Variants in HTR2C observed in about 807,000 individuals in gnomAD.
The protein encoded by HTR2C is 5-hydroxytryptamine receptor 2C, also known as 5-hydroxytryptamine (serotonin) receptor 2C, G protein-coupled.
Under a neutral mutation model 21.0 loss-of-function variants are expected in HTR2C, and 5 were observed. The observed-to-expected ratio is 0.24, with a 90% CI of 0.12 to 0.50. HTR2C has a LOEUF of 0.50. Ranked by LOEUF, HTR2C falls within the 20% of genes least tolerant of loss-of-function variation. HTR2C has a pLI of 0.98. For missense variants in HTR2C, 271 were observed against 371.2 expected (o/e 0.73, Z 2.22); for synonymous variants, 150 against 145.3 (o/e 1.03, Z -0.23).
At chrX:114,835,613 T>G (rs1263886927) in intron 4 of HTR2C, among the ~76,000 whole-genome samples, 1 of 111,160 alleles carries the variant, frequency 9.0e-6, no homozygotes, top group Non-Finnish European at 1.9e-5. Context: ...TCTTCTAAAT[T>G]TTTTTCAAAG....
At chrX:114,605,007 T>G (rs1320725986) in intron 1 of HTR2C, among the ~76,000 whole-genome samples, 5 of 111,742 alleles carry the variant, frequency 4.5e-5, no homozygotes, top group Non-Finnish European at 7.5e-5. Flanking sequence ...GGTAATAAAA[T>G]GTACTTTGAG....
rs201614547 is a variant in HTR2C at position 114,907,830 on chromosome X, G to C, written c.*415G>C. 1.6e-5 allele frequency: 2 copies of C among 128,700 alleles called. No individual in the cohort carries two copies. Among genetic ancestry groups the C allele is most frequent in the Non-Finnish European group, 3.2e-5 (2 of 63,436 alleles). 10.6% of individuals were successfully genotyped at this position (128,700 alleles called of 1,213,427 possible). ...AACCACACCTAAATTAACAAATTCA[G>C]TGGACATTTGTTCTGGGTTAACAGT... On this transcript the variant is annotated 3_prime_UTR_variant, in exon 6 of 6. Transcript: ENST00000276198.
chrX:114,769,913 A>G (rs1556436645), intron 4 of HTR2C, among the ~76,000 whole-genome samples: 1 of 111,533 alleles, frequency 9.0e-6, no homozygotes, highest in East Asian at 2.8e-4. Context: ...TATGCTGACT[A>G]CAACTTCTAT....
At chrX:114,888,134 G>A (rs781963099) in intron 5 of HTR2C, among the ~76,000 whole-genome samples, 2 of 112,024 alleles carry the variant, frequency 1.8e-5, no homozygotes, top group South Asian at 7.4e-4. Context: ...TCAGTATTTT[G>A]ACTAGTTTAT....
At chrX:114,699,547 G>A (rs1415968506) in intron 2 of HTR2C, among the ~76,000 whole-genome samples, 2 of 111,756 alleles carry the variant, frequency 1.8e-5, no homozygotes, top group Non-Finnish European at 3.8e-5. Flanking sequence ...CTCAGTTAAG[G>A]TTTATTCAAT....
chrX:114,809,852 C>T, intron 4 of HTR2C, among the ~76,000 whole-genome samples: 1 of 111,677 alleles, frequency 9.0e-6, no homozygotes, highest in East Asian at 2.8e-4. Context: ...GAGTCTCTCT[C>T]CATGACCATC....
At chrX:114,630,768 T>C (rs1168166495) in intron 2 of HTR2C, 2 of 329,904 alleles carry the variant, frequency 6.1e-6, no homozygotes, top group African/African-American at 5.2e-5. Context: ...ATACAGAGCA[T>C]GGGGCCCCAA....
In HTR2C at chrX:114,898,702, G is replaced by T. The variant is rs781902095; in HGVS notation, c.551-7887G>T. Among the ~76,000 whole-genome samples, 15 of 111,865 alleles carry T rather than the reference G, an allele frequency of 1.3e-4. No individual in the cohort carries two copies. The South Asian group carries it at 4.8e-3, about 36-fold the overall frequency. On this transcript the variant is annotated intron_variant, in intron 5 of 5. Transcript: ENST00000276198. ...CAAGTTTGTCAAATATCAGATAGTT[G>T]TAGGTGTGCAGTCTTATTTCTGAGA...
intron 4 of HTR2C, among the ~76,000 whole-genome samples, chrX:114,736,582 A>G (rs1220998018): frequency 8.9e-6 from 1 of 111,954 alleles, no homozygotes; most frequent in South Asian, 3.7e-4. Flanking sequence ...GGAAGAATAC[A>G]TTTATGGGTG....
chrX:114,634,069 C>T (rs192783118), intron 2 of HTR2C, among the ~76,000 whole-genome samples: 383 of 109,604 alleles, frequency 3.5e-3, no homozygotes, highest in African/African-American at 0.012. Context: ...CTTACTACTT[C>T]CTCCATTACT....
intron 5 of HTR2C, among the ~76,000 whole-genome samples, chrX:114,869,621 G>A (rs1038303121): frequency 4.5e-5 from 5 of 111,787 alleles, no homozygotes; most frequent in African/African-American, 6.5e-5. Context: ...AGCATAATTT[G>A]ACTTATTTCT....
chrX:114,689,158 C>T (rs782014291), intron 2 of HTR2C, among the ~76,000 whole-genome samples: 1 of 101,129 alleles, frequency 9.9e-6, no homozygotes, highest in Admixed American at 1.1e-4. Context: ...CTGTGAATGC[C>T]ATTATTTCAT....
intron 4 of HTR2C, among the ~76,000 whole-genome samples, chrX:114,838,253 G>C (rs916752810): frequency 8.9e-5 from 10 of 111,738 alleles, no homozygotes; most frequent in African/African-American, 3.2e-4. Flanking sequence ...TATTGACACT[G>C]TATTGTTTTA....
intron 4 of HTR2C, chrX:114,775,053 G>A (rs2070042914): frequency 2.1e-6 from 1 of 485,754 alleles, no homozygotes; most frequent in Non-Finnish European, 3.7e-6. Flanking sequence ...CATTAAACTT[G>A]TCCAGAATCT....
At chrX:114,593,792 C>T (rs372453400) in intron 1 of HTR2C, among the ~76,000 whole-genome samples, 2 of 111,696 alleles carry the variant, frequency 1.8e-5, no homozygotes, top group Admixed American at 1.9e-4. Flanking sequence ...AATGCTACAA[C>T]TTTAAGAAAA....
At chrX:114,776,048 A>T in intron 4 of HTR2C, 2 of 445,645 alleles carry the variant, frequency 4.5e-6, no homozygotes, top group South Asian at 3.2e-5. Context: ...CTTATGCTTG[A>T]ACTCAGCAAT....
intron 2 of HTR2C, among the ~76,000 whole-genome samples, chrX:114,703,113 A>G (rs797028346): frequency 2.8e-5 from 3 of 106,087 alleles, no homozygotes; most frequent in Non-Finnish European, 5.8e-5. Flanking sequence ...TAATAATGGG[A>G]GACTTTAACA....
chrX:114,646,794 T>A (rs1556407605), intron 2 of HTR2C, among the ~76,000 whole-genome samples: 1 of 112,481 alleles, frequency 8.9e-6, no homozygotes, highest in African/African-American at 3.2e-5. Flanking sequence ...CAGTTTCAAG[T>A]CTTACATGCA....
intron 4 of HTR2C, among the ~76,000 whole-genome samples, chrX:114,772,233 A>G (rs1244253093): frequency 8.9e-6 from 1 of 112,337 alleles, no homozygotes; most frequent in Admixed American, 9.5e-5. Flanking sequence ...TGTTCTCATA[A>G]GTACTTCTTT....
Sources: gnomAD v4.1 joint callset for allele counts (sites outside exome capture counted in the v4.1 genomes callset) on GRCh38, gnomAD v4.1.1 for gene constraint, MANE v1.5 for transcripts, NCBI Gene and HGNC (gene_info 2026-07-23, HGNC 2026-07-21) for gene names.